Variants in CNOT10 observed in about 807,000 individuals in gnomAD.
The protein encoded by CNOT10 is CCR4-NOT transcription complex subunit 10.
CNOT10 carries 30 observed loss-of-function variants against 94.6 expected under a neutral mutation model. The observed-to-expected ratio is 0.32, with a 90% confidence interval of 0.24 to 0.43. CNOT10 has a LOEUF of 0.43. CNOT10 is among the 20% of genes least tolerant of loss of function. The pLI is 1.00. For synonymous variants in CNOT10, 289 were observed against 301.6 expected (o/e 0.96, Z 0.43); for missense variants, 759 against 877.2 (o/e 0.87, Z 1.70).
intron 8 of CNOT10, among the ~76,000 whole-genome samples, chr3:32,722,755 C>T (rs565794657): frequency 2.0e-5 from 3 of 151,796 alleles, no homozygotes; most frequent in Admixed American, 6.6e-5. Context: ...AGACTGAGGC[C>T]GACGGATCAC....
At chr3:32,697,229 C>T (rs907158314) in intron 1 of CNOT10, among the ~76,000 whole-genome samples, 2 of 152,250 alleles carry the variant, frequency 1.3e-5, no homozygotes, top group South Asian at 4.1e-4. Context: ...AGATTATAGG[C>T]GTGAGCCACC....
In CNOT10 at chr3:32,757,170, A is replaced by ATTTTTTTTTT. The variant is rs1173513009; in HGVS notation, c.1596-2271_1596-2262dup. 3.4e-4 allele frequency among the ~76,000 whole-genome samples: 27 copies of ATTTTTTTTTT among 78,298 alleles called. 5 individuals are homozygous for ATTTTTTTTTT. The highest frequency in any genetic ancestry group is 1.2e-3 in the African/African-American group (21 of 18,026). 51.4% of individuals were successfully genotyped at this position (78,298 alleles called of 152,430 possible). On this transcript the variant is annotated intron_variant, in intron 13 of 18. Transcript: ENST00000328834. The stretch of plus-strand genomic sequence containing the variant: ...TGTCATTCACATAGGCCCTGAACTA[A>ATTTTTTTTTT]TTTTTTTTTTTTTTTTTTTTTTTTT...
At chr3:32,733,761 TTATTGATGGCCTAG>T (rs1284210770) in intron 11 of CNOT10, among the ~76,000 whole-genome samples, 127 of 152,286 alleles carry the variant, frequency 8.3e-4, no homozygotes, top group African/African-American at 2.9e-3. Context: ...GGTGCTGCAA[TTATTGATGGCCTAG>T]GAAACCCTAG....
At chr3:32,715,689 T>G (rs2125538509) in intron 5 of CNOT10, among the ~76,000 whole-genome samples, 1 of 152,268 alleles carries the variant, frequency 6.6e-6, no homozygotes, top group African/African-American at 2.4e-5. Flanking sequence ...AAAATTAAAA[T>G]TGTAAATAAA....
rs1696552087 is a variant in CNOT10, at chr3:32,685,390, C to T, written c.-71C>T. 1.3e-6 allele frequency: 2 copies of T among 1,536,706 alleles called. No homozygotes were observed. Among genetic ancestry groups the T allele is most frequent in the African/African-American group, 2.7e-5 (2 of 72,814 alleles). On this transcript the variant is annotated 5_prime_UTR_variant, in exon 1 of 19. Coordinates refer to ENST00000328834, the MANE Select transcript of CNOT10 (RefSeq NM_015442.3). ...CAGAGTTGTCCTCGGAGGTCCAGGA[C>T]AGCGGCCAGCCCGGCGGCGGGAGTC...
chr3:32,751,558 A>G (rs1559510494), intron 13 of CNOT10, among the ~76,000 whole-genome samples: 1 of 152,254 alleles, frequency 6.6e-6, no homozygotes, highest in Non-Finnish European at 1.5e-5. Context: ...CTAATGTGAC[A>G]GTCAGTGAAT....
intron 1 of CNOT10, among the ~76,000 whole-genome samples, chr3:32,695,199 A>G (rs1446277480): frequency 6.6e-6 from 1 of 152,144 alleles, no homozygotes; most frequent in East Asian, 1.9e-4. Flanking sequence ...TAGTGAATAA[A>G]CCATTTGAGG....
At chr3:32,741,768 C>CAAAAAAAAAAAAAAAAAAAAAAAA (rs529423159) in intron 13 of CNOT10, among the ~76,000 whole-genome samples, 1 of 86,534 alleles carries the variant, frequency 1.2e-5, no homozygotes, top group Non-Finnish European at 2.3e-5. Flanking sequence ...GACTCCGTCT[C>CAAAAAAAAAAAAAAAAAAAAAAAA]AAAAAAAAAA....
chr3:32,755,204 C>G (rs1416193112), intron 13 of CNOT10, among the ~76,000 whole-genome samples: 1 of 151,006 alleles, frequency 6.6e-6, no homozygotes, highest in Middle Eastern at 3.2e-3. Flanking sequence ...AGAGATCATG[C>G]CATTGCACTC....
intron 9 of CNOT10, among the ~76,000 whole-genome samples, chr3:32,726,880 C>G (rs113063602): frequency 2.3e-5 from 3 of 129,496 alleles, no homozygotes; most frequent in Admixed American, 9.1e-5. Context: ...GAAGTCTCAC[C>G]CTGTTGCCCA....
In CNOT10 at chr3:32,756,214, A is replaced by G. The variant is rs1204489902; in HGVS notation, c.1596-3244A>G. 3.9e-5 allele frequency among the ~76,000 whole-genome samples: 6 copies of G among 152,296 alleles called. No individual in the cohort carries two copies. In the East Asian group the frequency reaches 1.2e-3, roughly 29 times the overall value. ...TAAATGTTGGTTTGAGTTTCGGGCAATGAAACTTGCTTAATCCTGATGGCT... is the reference window on the plus strand; with the variant it reads ...TAAATGTTGGTTTGAGTTTCGGGCAGTGAAACTTGCTTAATCCTGATGGCT... On this transcript the variant is annotated intron_variant, in intron 13 of 18. Transcript: ENST00000328834.
chr3:32,706,417 G>A (rs1486069037), intron 3 of CNOT10, among the ~76,000 whole-genome samples: 1 of 152,140 alleles, frequency 6.6e-6, no homozygotes, highest in Non-Finnish European at 1.5e-5. Flanking sequence ...TTGTTTATAA[G>A]GTTTGTTAGG....
intron 1 of CNOT10, among the ~76,000 whole-genome samples, chr3:32,685,853 T>A (rs1177646440): frequency 6.6e-6 from 1 of 152,130 alleles, no homozygotes; most frequent in Non-Finnish European, 1.5e-5. Flanking sequence ...ATCGCGTGGC[T>A]GAGGCTGGGA....
At position 32,713,249 on chromosome 3, in the gene CNOT10, G is replaced by A; in HGVS notation, c.453G>A (p.Val151=). The stretch of plus-strand genomic sequence containing the variant: ...CAGAAGAAAAATTTGCCCAAGCAGT[G>A]TGTTTTTTGCTTGTAGACCTGTATA... ...EPFEEKFAQA[V]CFLLVDLYIL... is the part of the protein sequence containing the mutation. The change falls in exon 5 of 19, where the codon GTG becomes GTA. Residue 151 remains valine (V), a synonymous_variant. Transcript: ENST00000328834. 6.3e-7 allele frequency: 1 copy of A among 1,576,180 alleles called. No homozygotes were observed. Among genetic ancestry groups the A allele is most frequent in the Non-Finnish European group, 8.5e-7 (1 of 1,169,968 alleles).
intron 13 of CNOT10, among the ~76,000 whole-genome samples, chr3:32,750,319 AC>A (rs1371466329): frequency 1.3e-5 from 2 of 151,932 alleles, no homozygotes; most frequent in Non-Finnish European, 2.9e-5. Context: ...ATATGGTGAA[AC>A]CCCATCTCTA....
At chr3:32,721,927 C>T (rs1302715322) in intron 8 of CNOT10, among the ~76,000 whole-genome samples, 1 of 152,000 alleles carries the variant, frequency 6.6e-6, no homozygotes, top group Admixed American at 6.6e-5. Flanking sequence ...GCTGGGATTA[C>T]AGGCGTGAGC....
intron 3 of CNOT10, among the ~76,000 whole-genome samples, chr3:32,707,350 A>G (rs931180334): frequency 1.1e-4 from 17 of 151,812 alleles, no homozygotes; most frequent in African/African-American, 4.1e-4. Flanking sequence ...TCTAACCATC[A>G]TGTGTGCAAT....
At chr3:32,764,577 C>T in intron 16 of CNOT10, 87 bp downstream of exon 16, 5 of 1,601,940 alleles carry the variant, frequency 3.1e-6, no homozygotes, top group Non-Finnish European at 4.3e-6. Flanking sequence ...GTTTTTCTGC[C>T]TGAGGAATAC....
intron 1 of CNOT10, among the ~76,000 whole-genome samples, chr3:32,703,571 A>G (rs1697471730): frequency 6.6e-6 from 1 of 152,214 alleles, no homozygotes; most frequent in African/African-American, 2.4e-5. Context: ...CTGATAACCA[A>G]GATGGCTACT....
Sources: allele counts gnomAD v4.1 joint callset (sites outside exome capture counted in the v4.1 genomes callset), GRCh38; gene constraint gnomAD v4.1.1; transcripts MANE v1.5; gene names NCBI Gene and HGNC (gene_info 2026-07-23, HGNC 2026-07-21).